ESRRG: variants seen among roughly 807,000 people sequenced by gnomAD.
ESRRG encodes the protein estrogen related receptor gamma, also known as estrogen-related receptor gamma.
A neutral mutation model predicts 44.0 loss-of-function variants in ESRRG; 13 were observed. That is an observed-to-expected ratio of 0.30 (90% CI 0.19 to 0.47). The LOEUF (loss-of-function observed/expected upper bound fraction) is 0.47, where lower values mean the gene tolerates loss of function less well. Ranked by LOEUF, ESRRG falls within the 20% of genes least tolerant of loss-of-function variation. The probability of loss-of-function intolerance (pLI) is 1.00; values close to 1 mark genes in which losing one functional copy is unlikely to be tolerated. For missense variants in ESRRG, 395 were observed against 580.6 expected (o/e 0.68, Z 3.29); for synonymous variants, 215 against 214.6 (o/e 1.00, Z -0.02).
At chr1:216,675,951 G>GT (rs1455245962) in intron 2 of ESRRG, among the ~76,000 whole-genome samples, 1 of 152,114 alleles carries the variant, frequency 6.6e-6, no homozygotes. Context: ...ACATCAGCAT[G>GT]TTTTTTTAAG....
At chr1:217,111,235 T>C (rs1209122379) in intron 1 of ESRRG, among the ~76,000 whole-genome samples, 2 of 152,168 alleles carry the variant, frequency 1.3e-5, no homozygotes, top group East Asian at 3.9e-4. Flanking sequence ...TTGGAGCCAG[T>C]AAGTCCCCAG....
intron 1 of ESRRG, among the ~76,000 whole-genome samples, chr1:216,957,976 T>G (rs1395573017): frequency 1.3e-5 from 2 of 152,082 alleles, no homozygotes; most frequent in East Asian, 3.9e-4. Flanking sequence ...TTCTGATTCC[T>G]GCTATGAAAG....
chr1:217,046,163 CAAAA>C (rs907962584), intron 1 of ESRRG, among the ~76,000 whole-genome samples: 47 of 134,630 alleles, frequency 3.5e-4, no homozygotes, highest in African/African-American at 1.2e-3. Flanking sequence ...ACATTCCTTT[CAAAA>C]AAAAAAAAAC....
intron 1 of ESRRG, among the ~76,000 whole-genome samples, chr1:217,067,368 C>T (rs958188912): frequency 2.0e-5 from 3 of 151,772 alleles, no homozygotes; most frequent in African/African-American, 7.3e-5. Flanking sequence ...CTAAGGTAAA[C>T]CAAAGACCAT....
Position 216,928,913 on chromosome 1 carries a change from T to A in ESRRG, c.-14+10669A>T, listed in dbSNP as rs147519861. ...GAGGCACCCAGAGTAGTCAAATTCA[T>A]AGAGACAGAAAGAATGGGGGATGCT... On this transcript the variant is annotated intron_variant, in intron 2 of 7. Coordinates refer to the ESRRG transcript ENST00000359162. Among the ~76,000 whole-genome samples, 11 of 152,192 alleles carry A rather than the reference T, an allele frequency of 7.2e-5. No homozygotes were observed. In the South Asian group the frequency reaches 1.2e-3, roughly 17 times the overall value.
chr1:216,697,888 C>G (rs537144271), intron 1 of ESRRG, among the ~76,000 whole-genome samples: 1 of 152,168 alleles, frequency 6.6e-6, no homozygotes, highest in Non-Finnish European at 1.5e-5. Flanking sequence ...ATAAAAATGA[C>G]TACTATGAAT....
chr1:216,610,916 C>T (rs1456504896), intron 3 of ESRRG, among the ~76,000 whole-genome samples: 2 of 152,128 alleles, frequency 1.3e-5, no homozygotes, highest in Non-Finnish European at 2.9e-5. Flanking sequence ...AGCTATTGTA[C>T]TGCCTCTGAG....
intron 5 of ESRRG, among the ~76,000 whole-genome samples, chr1:216,540,051 T>C (rs1450685269): frequency 6.6e-6 from 1 of 152,148 alleles, no homozygotes; most frequent in South Asian, 2.1e-4. Context: ...ACCTAATCAT[T>C]CTTGGAGATG....
At chr1:216,866,557 C>G (rs559971137) in intron 2 of ESRRG, among the ~76,000 whole-genome samples, 11 of 118,126 alleles carry the variant, frequency 9.3e-5, no homozygotes, top group African/African-American at 1.4e-4. Flanking sequence ...TTCTTTGTTT[C>G]TTTCTTTCTT....
At chr1:217,129,310 A>G (rs2092929649) in intron 1 of ESRRG, among the ~76,000 whole-genome samples, 1 of 152,260 alleles carries the variant, frequency 6.6e-6, no homozygotes, top group South Asian at 2.1e-4. Context: ...ACCCACTAGT[A>G]TGGCTATCAG....
chr1:216,927,558 A>C (rs1040634360), intron 2 of ESRRG, among the ~76,000 whole-genome samples: 1 of 152,212 alleles, frequency 6.6e-6, no homozygotes, highest in African/African-American at 2.4e-5. Context: ...AAAAAGGATA[A>C]TACTTCCAAA....
intron 1 of ESRRG, among the ~76,000 whole-genome samples, chr1:217,123,065 C>A (rs1275808413): frequency 6.6e-6 from 1 of 152,058 alleles, no homozygotes; most frequent in Non-Finnish European, 1.5e-5. Flanking sequence ...ACTATTTGAT[C>A]CCAACTTGAT....
chr1:217,090,916 T>C (rs539860850), upstream of ESRRG, among the ~76,000 whole-genome samples: 16 of 152,334 alleles, frequency 1.1e-4, no homozygotes, highest in African/African-American at 3.8e-4. Flanking sequence ...TCCTTAACGT[T>C]TACTTCTGCA....
chr1:216,607,632 T>C (rs369111880), intron 3 of ESRRG, among the ~76,000 whole-genome samples: 10 of 152,218 alleles, frequency 6.6e-5, no homozygotes, highest in East Asian at 5.8e-4. Context: ...AACCTGAATA[T>C]TACATTTCCT....
intron 2 of ESRRG, among the ~76,000 whole-genome samples, chr1:216,917,043 TG>T (rs1454455668): frequency 1.3e-5 from 2 of 151,542 alleles, no homozygotes; most frequent in Non-Finnish European, 2.9e-5. Flanking sequence ...GGCTGGGATC[TG>T]GGCTCAATTG....
Position 216,503,944 on chromosome 1 carries a change from A to G in ESRRG, c.*2995T>C, listed in dbSNP as rs574518248. ...ATGGTCTTGCTTGAAACTTGAGAAG[A>G]CTTCCCTCTAGTGAGGTTTAAGATG... On this transcript the variant is annotated 3_prime_UTR_variant, in exon 7 of 7. Coordinates refer to ENST00000408911, the MANE Select transcript of ESRRG (RefSeq NM_001438.4). 1 of 152,500 alleles carries G rather than the reference A, an allele frequency of 6.6e-6. No individual in the cohort carries two copies. Among genetic ancestry groups the G allele is most frequent in the Non-Finnish European group, 1.5e-5 (1 of 67,972 alleles). The allele number at this position is 152,500 out of a possible 1,614,324, so 9.4% of individuals were successfully genotyped here. A position where few individuals can be genotyped will look rare whatever the true frequency, so the allele number is the denominator to read the frequency against.
intron 6 of ESRRG, among the ~76,000 whole-genome samples, chr1:216,510,372 C>T (rs1029474712): frequency 5.9e-5 from 9 of 152,084 alleles, no homozygotes; most frequent in Non-Finnish European, 1.2e-4. Flanking sequence ...AGTCTAACAC[C>T]TAATAATAAA....
At chr1:217,001,317 A>T (rs535781007) in intron 1 of ESRRG, among the ~76,000 whole-genome samples, 14 of 152,340 alleles carry the variant, frequency 9.2e-5, no homozygotes, top group Non-Finnish European at 1.8e-4. Flanking sequence ...ACACTTGATT[A>T]CCGTCTTTAC....
At chr1:216,825,385 T>C (rs2095372723) in intron 2 of ESRRG, among the ~76,000 whole-genome samples, 2 of 152,120 alleles carry the variant, frequency 1.3e-5, no homozygotes, top group Admixed American at 6.5e-5. Flanking sequence ...GATACAGTAA[T>C]AGGCAAATTG....
Sources: allele counts gnomAD v4.1 joint callset (sites outside exome capture counted in the v4.1 genomes callset), GRCh38; gene constraint gnomAD v4.1.1; transcripts MANE v1.5; gene names NCBI Gene and HGNC (gene_info 2026-07-23, HGNC 2026-07-21).